CAPRIN1: variants seen among roughly 807,000 people sequenced by gnomAD.
CAPRIN1 encodes cell cycle associated protein 1, also known as caprin-1.
A neutral mutation model predicts 100.9 loss-of-function variants in CAPRIN1; 29 were observed. The observed-to-expected ratio is 0.29, with a 90% CI of 0.21 to 0.39. The LOEUF (loss-of-function observed/expected upper bound fraction) is 0.39, where lower values mean the gene tolerates loss of function less well. CAPRIN1 is among the 10% of genes least tolerant of loss of function. CAPRIN1 has a pLI of 1.00. For missense variants in CAPRIN1, 795 were observed against 876.7 expected, an observed-to-expected ratio of 0.91 and a Z score of 1.18; for synonymous variants, 338 against 307.5, an observed-to-expected ratio of 1.10 and a Z score of -1.04.
chr11:34,094,657 T>C (rs984051298), intron 15 of CAPRIN1, among the ~76,000 whole-genome samples: 3 of 151,490 alleles, frequency 2.0e-5, no homozygotes, highest in African/African-American at 7.3e-5. Context: ...ATTAGCAGGG[T>C]GAGGTGGTGA....
At chr11:34,099,028 A>G in intron 18 of CAPRIN1, 1 of 1,319,976 alleles carries the variant, frequency 7.6e-7, no homozygotes, top group Non-Finnish European at 9.7e-7. Context: ...GGCACATAGT[A>G]GGCACTCAAT....
At chr11:34,053,243 C>G (rs948590775) in intron 2 of CAPRIN1, 7 of 756,828 alleles carry the variant, frequency 9.2e-6, no homozygotes, top group Non-Finnish European at 1.1e-5. Flanking sequence ...GCTACCCCCG[C>G]GCCCATGCGA....
intron 15 of CAPRIN1, among the ~76,000 whole-genome samples, chr11:34,095,242 T>C (rs570430997): frequency 0.017 from 5 of 298 alleles, no homozygotes; most frequent in Non-Finnish European, 0.032. Context: ...TTAAAAGCTG[T>C]TATTGATAAA....
rs762556709 is a variant in CAPRIN1, at chr11:34,052,492, C to T, written c.72C>T (p.Ser24=). 2.5e-6 allele frequency: 4 copies of T among 1,600,780 alleles called. No homozygotes were observed. The South Asian group carries it at 3.3e-5, about 13-fold the overall frequency. ...SSGPPPPSGS[S]GSEAAAGAGA... is the part of the protein sequence containing the mutation. ...GACCGCCACCGCCGTCGGGTTCCTC[C>T]GGGAGTGAGGCGGCCGCGGGAGCCG... The change falls in exon 2 of 19, where the codon TCC becomes TCT. Residue 24 remains serine, a synonymous_variant. Transcript: ENST00000341394.
chr11:34,064,597 A>G (rs1208899382), intron 2 of CAPRIN1, among the ~76,000 whole-genome samples: 2 of 152,244 alleles, frequency 1.3e-5, no homozygotes, highest in Admixed American at 6.5e-5. Flanking sequence ...CATTTTGAAA[A>G]GTAAAAAATT....
intron 1 of CAPRIN1, 114 bp from the exon 2 acceptor site, chr11:34,052,307 C>G: frequency 2.2e-6 from 2 of 898,452 alleles, no homozygotes; most frequent in East Asian, 2.8e-5. Flanking sequence ...CCCACCCGCT[C>G]GCGTAGGCTA....
At chr11:34,052,951 AG>A in intron 2 of CAPRIN1, 4 of 1,201,942 alleles carry the variant, frequency 3.3e-6, no homozygotes, top group Non-Finnish European at 4.2e-6. Context: ...GCCTGTCGTC[AG>A]GACTTCACTG....
chr11:34,087,154 A>G (rs565934045), intron 11 of CAPRIN1, among the ~76,000 whole-genome samples: 1 of 152,310 alleles, frequency 6.6e-6, no homozygotes, highest in African/African-American at 2.4e-5. Flanking sequence ...GGTTTTTCCC[A>G]GAACACATCA....
intron 14 of CAPRIN1, 22 bp from the exon 15 acceptor site, chr11:34,091,884 C>T (rs1851272231): frequency 6.3e-7 from 1 of 1,595,528 alleles, no homozygotes; most frequent in Non-Finnish European, 8.5e-7. Flanking sequence ...ATGAACTAAT[C>T]ATTTACTTTA....
intron 15 of CAPRIN1, 75 bp downstream of exon 15, chr11:34,092,131 C>G (rs1391736698): frequency 2.1e-6 from 3 of 1,431,920 alleles, no homozygotes; most frequent in Non-Finnish European, 2.8e-6. Context: ...ACAGTTTAGA[C>G]TTCAGAGTGG....
rs781457186 is a variant in CAPRIN1, at chr11:34,096,646, T to C, written c.1873T>C (p.Tyr625His). The change falls in exon 16 of 19, where the codon TAC becomes CAC. Residue 625 changes from tyrosine to histidine, a missense_variant. Physicochemically the swap from Tyr to His is moderately conservative, Grantham distance 83. This residue lies in a region of CAPRIN1 where 648 missense variants were observed against 697.9 expected (regional missense o/e 0.93). Transcript: ENST00000341394. ...SRGARGLMNG[Y>H]RGPANGFRGG... ...TGGTGCTAGAGGCTTGATGAATGGA[T>C]ACCGGGGCCCTGCCAATGGATTCAG... 3 of 1,604,182 alleles carry C rather than the reference T, an allele frequency of 1.9e-6. No homozygotes were observed. Among genetic ancestry groups the C allele is most frequent in the Non-Finnish European group, 2.6e-6 (3 of 1,171,846 alleles).
At chr11:34,095,078 G>C (rs1221360981) in intron 15 of CAPRIN1, among the ~76,000 whole-genome samples, 1 of 151,974 alleles carries the variant, frequency 6.6e-6, no homozygotes, top group Non-Finnish European at 1.5e-5. Flanking sequence ...TGTTGTTGTT[G>C]TTGAGATGGG....
chr11:34,060,218 A>AAG (rs1565082907), intron 2 of CAPRIN1, among the ~76,000 whole-genome samples: 4 of 151,024 alleles, frequency 2.6e-5, no homozygotes, highest in African/African-American at 9.7e-5. Flanking sequence ...AAAAAAAAAA[A>AAG]GCTGGGTAGC....
rs5790975 is a variant in CAPRIN1, at chr11:34,087,329, A to ATTTT, written c.1231+935_1231+938dup. On this transcript the variant is annotated intron_variant, in intron 11 of 18. Coordinates refer to ENST00000341394, the MANE Select transcript of CAPRIN1 (RefSeq NM_005898.5). Reference sequence around the variant, plus strand: ...AGTAAAGGGAGCTCATATCTCTCACATTTTTTTTTTTTTTTTTTTTTTGAG... The same window carrying ATTTT: ...AGTAAAGGGAGCTCATATCTCTCACATTTTTTTTTTTTTTTTTTTTTTTTTTGAG... 4.4e-3 allele frequency among the ~76,000 whole-genome samples: 429 copies of ATTTT among 96,542 alleles called. 39 individuals carry two copies. The highest frequency in any genetic ancestry group is 5.9e-3 in the African/African-American group (136 of 22,980). 63.3% of individuals were successfully genotyped at this position (96,542 alleles called of 152,430 possible). A position where few individuals can be genotyped will look rare whatever the true frequency, so the allele number is the denominator to read the frequency against.
chr11:34,080,985 T>C lies in CAPRIN1; in HGVS notation c.826+1220T>C, dbSNP rs532258024. ...TAATCTGTATGCTGCTTCATACTAC[T>C]ACTTATGAGACGGGAGAGGGCTTTT... On this transcript the variant is annotated intron_variant, in intron 7 of 18. Transcript: ENST00000341394. Among the ~76,000 whole-genome samples the C allele has an allele frequency of 3.3e-5, 5 of 152,344 alleles. No individual in the cohort carries two copies. The South Asian group carries it at 1.0e-3, about 32-fold the overall frequency.
chr11:34,095,006 C>T (rs1851341529), intron 15 of CAPRIN1, among the ~76,000 whole-genome samples: 1 of 152,106 alleles, frequency 6.6e-6, no homozygotes, highest in African/African-American at 2.4e-5. Context: ...CCTCAGCCTC[C>T]CAAGTAGCTG....
rs1298028816 is a variant in CAPRIN1, at chr11:34,072,690, A to G, written c.366+703A>G. Among the ~76,000 whole-genome samples the G allele has an allele frequency of 2.0e-5, 3 of 152,214 alleles. No homozygotes were observed. In the East Asian group the frequency reaches 5.8e-4, roughly 29 times the overall value. ...GGGAATAAGGACAAAAGTTAAATGC[A>G]AGCAAAGTCAGATAATTTGTTGAGG... is the stretch of plus-strand genomic sequence containing the variant. On this transcript the variant is annotated intron_variant, in intron 4 of 18. Transcript: ENST00000341394.
At chr11:34,062,451 C>G (rs766708065) in intron 2 of CAPRIN1, among the ~76,000 whole-genome samples, 1 of 151,910 alleles carries the variant, frequency 6.6e-6, no homozygotes, top group Non-Finnish European at 1.5e-5. Context: ...CAGTGAAACC[C>G]CGTCTCTACT....
At chr11:34,054,959 AG>A (rs1397992700) in intron 2 of CAPRIN1, among the ~76,000 whole-genome samples, 2 of 152,300 alleles carry the variant, frequency 1.3e-5, no homozygotes, top group East Asian at 1.9e-4. Flanking sequence ...GTTAATATAA[AG>A]GTAGGTGCTG....
Sources: allele counts gnomAD v4.1 joint callset (sites outside exome capture counted in the v4.1 genomes callset), GRCh38; gene constraint gnomAD v4.1.1; regional missense constraint gnomAD v4.1.1; transcripts MANE v1.5; gene names NCBI Gene and HGNC (gene_info 2026-07-23, HGNC 2026-07-21).